LIPC: variants seen among roughly 807,000 people sequenced by gnomAD.
The protein encoded by LIPC is hepatic triacylglycerol lipase.
Under a neutral mutation model 50.7 loss-of-function variants are expected in LIPC, and 44 were observed. The observed-to-expected ratio is 0.87, with a 90% CI of 0.68 to 1.11. The LOEUF (loss-of-function observed/expected upper bound fraction) is 1.11, where lower values mean the gene tolerates loss of function less well. LIPC is among the 50% of genes most tolerant of loss of function. LIPC has a pLI of 0.00. For synonymous variants in LIPC, 271 were observed against 256.4 expected (o/e 1.06, Z -0.54); for missense variants, 697 against 648.2 (o/e 1.08, Z -0.82).
intron 1 of LIPC, among the ~76,000 whole-genome samples, chr15:58,439,956 G>A (rs1376966214): frequency 2.0e-5 from 3 of 151,888 alleles, no homozygotes; most frequent in Non-Finnish European, 2.9e-5. Flanking sequence ...GAAACAACAC[G>A]AGGCTACAGG....
intron 1 of LIPC, among the ~76,000 whole-genome samples, chr15:58,511,081 C>CT (rs1444846129): frequency 1.3e-4 from 20 of 152,224 alleles, no homozygotes; most frequent in African/African-American, 4.6e-4. Flanking sequence ...CATAACTCAG[C>CT]TAATGCCTGG....
At chr15:58,456,049 G>A (rs1223709821) in intron 1 of LIPC, 1 of 152,168 alleles carries the variant, frequency 6.6e-6, no homozygotes, top group Admixed American at 6.5e-5. Context: ...AAGGCTTCAT[G>A]GGGGACAGAG....
At chr15:58,498,282 A>C (rs1193756467) in intron 1 of LIPC, among the ~76,000 whole-genome samples, 1 of 152,030 alleles carries the variant, frequency 6.6e-6, no homozygotes, top group Non-Finnish European at 1.5e-5. Flanking sequence ...CCTCGCAAGG[A>C]TGTGGTTCAA....
At chr15:58,440,555 C>T (rs1364487520) in intron 1 of LIPC, among the ~76,000 whole-genome samples, 3 of 152,216 alleles carry the variant, frequency 2.0e-5, no homozygotes, top group Non-Finnish European at 2.9e-5. Flanking sequence ...AATGAAAAAG[C>T]GTACATCCAC....
chr15:58,480,011 A>T (rs1440792993), intron 1 of LIPC, among the ~76,000 whole-genome samples: 2 of 152,238 alleles, frequency 1.3e-5, no homozygotes, highest in African/African-American at 4.8e-5. Flanking sequence ...TAGAAGGCAC[A>T]CAGTACATGT....
chr15:58,489,262 C>T (rs1275792352), intron 1 of LIPC, among the ~76,000 whole-genome samples: 12 of 135,060 alleles, frequency 8.9e-5, no homozygotes, highest in African/African-American at 3.4e-4. Context: ...TTCAGGAGCA[C>T]TCTATTAAAT....
At chr15:58,464,330 C>G (rs1378079506) in intron 1 of LIPC, among the ~76,000 whole-genome samples, 7 of 152,202 alleles carry the variant, frequency 4.6e-5, no homozygotes, top group African/African-American at 1.7e-4. Flanking sequence ...TGAACCAACT[C>G]GGCTCCAAAG....
At chr15:58,464,554 C>G (rs1894469069) in intron 1 of LIPC, among the ~76,000 whole-genome samples, 1 of 152,206 alleles carries the variant, frequency 6.6e-6, no homozygotes, top group African/African-American at 2.4e-5. Flanking sequence ...CAGCTTATGC[C>G]AGTCCTTGAA....
chr15:58,553,771 G>A (rs901372321), intron 6 of LIPC, among the ~76,000 whole-genome samples: 1 of 152,056 alleles, frequency 6.6e-6, no homozygotes, highest in Non-Finnish European at 1.5e-5. Flanking sequence ...CTTCACTCGC[G>A]CCTGCTCTGA....
intron 3 of LIPC, 21 bp downstream of exon 3, chr15:58,541,988 T>C (rs1360867350): frequency 6.3e-7 from 1 of 1,597,528 alleles, no homozygotes; most frequent in East Asian, 2.3e-5. Context: ...GCCCCATCCT[T>C]CCTTCACCTC....
chr15:58,544,359 C>G (rs1433903877), intron 4 of LIPC, among the ~76,000 whole-genome samples: 1 of 150,872 alleles, frequency 6.6e-6, no homozygotes, highest in Admixed American at 6.6e-5. Flanking sequence ...AAGAAAGGAA[C>G]AGAAATCATA....
chr15:58,499,276 G>C (rs969485545), intron 1 of LIPC, among the ~76,000 whole-genome samples: 5 of 152,142 alleles, frequency 3.3e-5, no homozygotes, highest in Non-Finnish European at 5.9e-5. Context: ...AGATTCTTTG[G>C]GGGTAGAGCC....
intron 1 of LIPC, among the ~76,000 whole-genome samples, chr15:58,519,046 G>A (rs1275981294): frequency 6.6e-6 from 1 of 152,128 alleles, no homozygotes; most frequent in Non-Finnish European, 1.5e-5. Flanking sequence ...AGCATTTTGT[G>A]AAAAGTTAAT....
intron 1 of LIPC, among the ~76,000 whole-genome samples, chr15:58,466,527 A>G (rs1195794680): frequency 1.7e-4 from 26 of 152,226 alleles, no homozygotes; most frequent in Non-Finnish European, 2.8e-4. Flanking sequence ...CTAAGGATGT[A>G]TGGTAATTTT....
chr15:58,465,749 T>C (rs758655997), intron 1 of LIPC, among the ~76,000 whole-genome samples: 2 of 152,066 alleles, frequency 1.3e-5, no homozygotes, highest in Non-Finnish European at 2.9e-5. Context: ...CCTGGGAAGA[T>C]AGAGTCCAAG....
intron 1 of LIPC, among the ~76,000 whole-genome samples, chr15:58,500,332 A>G (rs1279003080): frequency 1.3e-5 from 2 of 152,174 alleles, no homozygotes; most frequent in Non-Finnish European, 2.9e-5. Context: ...CGCCCAACAG[A>G]TGGTGGTGAT....
intron 1 of LIPC, among the ~76,000 whole-genome samples, chr15:58,443,611 C>T (rs1038228886): frequency 3.3e-5 from 5 of 152,234 alleles, no homozygotes; most frequent in African/African-American, 4.8e-5. Flanking sequence ...GGACCCTCCA[C>T]GGCTCCTCGG....
At chr15:58,478,162 C>A (rs554577867) in intron 1 of LIPC, among the ~76,000 whole-genome samples, 11 of 152,302 alleles carry the variant, frequency 7.2e-5, no homozygotes, top group African/African-American at 2.4e-4. Context: ...AGTGAACTCT[C>A]AGAATAAATA....
intron 3 of LIPC, 142 bp from the exon 4 acceptor site, chr15:58,542,392 T>C (rs1376765237): frequency 1.4e-6 from 1 of 738,236 alleles, no homozygotes; most frequent in Non-Finnish European, 2.5e-6. Context: ...GTTGAGAGAT[T>C]AGTTTCAGTT....
Sources: allele counts gnomAD v4.1 joint callset (sites outside exome capture counted in the v4.1 genomes callset), GRCh38; gene constraint gnomAD v4.1.1; transcripts MANE v1.5; gene names NCBI Gene and HGNC (gene_info 2026-07-23, HGNC 2026-07-21).